The following PGBD5 variants were observed in gnomAD, a reference collection of about 807,000 sequenced individuals.
PGBD5 encodes piggyBac transposable element derived 5.
PGBD5 carries 14 observed loss-of-function variants against 47.9 expected under a neutral mutation model. The ratio of observed to expected loss-of-function variants is 0.29; its 90% confidence interval spans 0.19 to 0.46. The LOEUF (loss-of-function observed/expected upper bound fraction) is 0.46, where lower values mean the gene tolerates loss of function less well. PGBD5 is among the 20% of genes least tolerant of loss of function. The probability of loss-of-function intolerance (pLI) is 1.00; values close to 1 mark genes in which losing one functional copy is unlikely to be tolerated. For synonymous variants in PGBD5, 316 were observed against 306.3 expected (o/e 1.03, Z -0.33); for missense variants, 635 against 716.0 (o/e 0.89, Z 1.29).
rs971619504 is a variant in PGBD5, at chr1:230,357,658, C to CG, written c.332-338dup. Among the ~76,000 whole-genome samples, 2 of 152,264 alleles carry CG rather than the reference C, an allele frequency of 1.3e-5. No individual in the cohort carries two copies. Among genetic ancestry groups the CG allele is most frequent in the East Asian group, 1.9e-4 (1 of 5,180 alleles). On this transcript the variant is annotated intron_variant, in intron 1 of 6. Transcript: ENST00000391860. This position sits in a 1 kb window ranked among gnomAD's most constrained non-coding sequence, Gnocchi z 5.7. ...CCACACCAGACCGGAGGACAGCCCT[C>CG]GGGGGGCGCAGTCACGTGGAATCCC... is the stretch of plus-strand genomic sequence containing the variant.
chr1:230,368,433 G>A lies in PGBD5; in HGVS notation c.332-11112C>T, dbSNP rs148762815. ...CTGTCATTTATGGTGAATCCCTAGG[G>A]AGGGGTTAAAAGAAAAAGTGTGTGT... On this transcript the variant is annotated intron_variant, in intron 1 of 6. Coordinates refer to ENST00000391860, the MANE Select transcript of PGBD5 (RefSeq NM_001258311.2). Among the ~76,000 whole-genome samples, 1,061 of 152,364 alleles carry A rather than the reference G, an allele frequency of 7.0e-3. 11 individuals are homozygous for A. Among genetic ancestry groups the A allele is most frequent in the African/African-American group, 0.023 (950 of 41,588 alleles).
At position 230,425,518 on chromosome 1, in the gene PGBD5, TC is replaced by T. The variant is rs1051702920; in HGVS notation, c.331+79del. Reference sequence around the variant, plus strand: ...AAGCCAGCCCACGGAGAGTCTGGACTCGCCCGCCCCAGCACCCACGCCTCCC... The same window carrying T: ...AAGCCAGCCCACGGAGAGTCTGGACTGCCCGCCCCAGCACCCACGCCTCCC... On this transcript the variant is annotated intron_variant, in intron 1 of 6. Coordinates refer to ENST00000391860, the MANE Select transcript of PGBD5 (RefSeq NM_001258311.2). This position sits in a 1 kb window ranked among gnomAD's most constrained non-coding sequence, Gnocchi z 4.7. 2 of 1,074,120 alleles carry T rather than the reference TC, an allele frequency of 1.9e-6. No homozygotes were observed. Among genetic ancestry groups the T allele is most frequent in the African/African-American group, 3.3e-5 (2 of 60,620 alleles). The allele number at this position is 1,074,120 out of a possible 1,614,324, so 66.5% of individuals were successfully genotyped here.
intron 1 of PGBD5, among the ~76,000 whole-genome samples, chr1:230,404,845 AAC>A (rs1468998903): frequency 1.3e-5 from 2 of 150,276 alleles, no homozygotes; most frequent in Admixed American, 1.3e-4. Context: ...AAATTGCTTG[AAC>A]CAGGGAGGCA....
intron 5 of PGBD5, among the ~76,000 whole-genome samples, chr1:230,331,373 A>G (rs1454262248): frequency 6.6e-6 from 1 of 152,052 alleles, no homozygotes; most frequent in African/African-American, 2.4e-5. Context: ...CTATGATAGC[A>G]CCACTGCACT....
At chr1:230,338,270 G>A (rs527806037) in intron 3 of PGBD5, among the ~76,000 whole-genome samples, 2 of 152,356 alleles carry the variant, frequency 1.3e-5, no homozygotes, top group East Asian at 3.9e-4. Context: ...TCATAGTTCT[G>A]TAGGCTGGAG....
At chr1:230,362,861 TA>T in intron 1 of PGBD5, among the ~76,000 whole-genome samples, 2 of 152,216 alleles carry the variant, frequency 1.3e-5, no homozygotes, top group East Asian at 3.9e-4. Flanking sequence ...GTCCCTGTGC[TA>T]ATGCCTGGTG....
At chr1:230,343,812 G>C (rs1198299371) in intron 3 of PGBD5, among the ~76,000 whole-genome samples, 2 of 152,322 alleles carry the variant, frequency 1.3e-5, no homozygotes, top group South Asian at 2.1e-4. Flanking sequence ...AAACACTTTA[G>C]TGCACCTTCT....
chr1:230,393,393 G>A (rs1159740407), intron 1 of PGBD5, among the ~76,000 whole-genome samples: 2 of 151,890 alleles, frequency 1.3e-5, no homozygotes, highest in Admixed American at 6.6e-5. Flanking sequence ...GAGAGCAGGC[G>A]GACTCTAGGA....
Position 230,373,661 on chromosome 1 carries a change from A to G in PGBD5, c.332-16340T>C, listed in dbSNP as rs115550947. Among the ~76,000 whole-genome samples the G allele has an allele frequency of 3.8e-3, 585 of 152,322 alleles. 4 individuals carry two copies. Among genetic ancestry groups the G allele is most frequent in the African/African-American group, 0.014 (565 of 41,572 alleles). On this transcript the variant is annotated intron_variant, in intron 1 of 6. Coordinates refer to ENST00000391860, the MANE Select transcript of PGBD5 (RefSeq NM_001258311.2). ...TTTGTAAAATGTTCATATTTTTTGAAGTTATTCTGAAGAAAACAATCAGCG... is the reference window on the plus strand; with the variant it reads ...TTTGTAAAATGTTCATATTTTTTGAGGTTATTCTGAAGAAAACAATCAGCG...
At chr1:230,371,800 A>C (rs1400085804) in intron 1 of PGBD5, among the ~76,000 whole-genome samples, 1 of 152,224 alleles carries the variant, frequency 6.6e-6, no homozygotes, top group Non-Finnish European at 1.5e-5. Context: ...CAAATCACTC[A>C]ACATCATCTA....
chr1:230,331,721 C>T (rs1667220085), intron 5 of PGBD5, among the ~76,000 whole-genome samples: 1 of 151,286 alleles, frequency 6.6e-6, no homozygotes, highest in Non-Finnish European at 1.5e-5. Context: ...TCTTGAACTC[C>T]TTGGCTCAAG....
At chr1:230,354,108 ACAGGAAGCCC>A (rs1305353818) in intron 2 of PGBD5, among the ~76,000 whole-genome samples, 1 of 152,184 alleles carries the variant, frequency 6.6e-6, no homozygotes, top group Non-Finnish European at 1.5e-5. Context: ...CAGGTGACAT[ACAGGAAGCCC>A]CAGGAAGCAT....
chr1:230,397,021 G>T (rs1202237945), intron 1 of PGBD5, among the ~76,000 whole-genome samples: 1 of 152,206 alleles, frequency 6.6e-6, no homozygotes, highest in African/African-American at 2.4e-5. Flanking sequence ...CAGCTGGGAG[G>T]TGCACTGTTG....
chr1:230,386,334 C>G (rs946428238), intron 1 of PGBD5, among the ~76,000 whole-genome samples: 3 of 150,894 alleles, frequency 2.0e-5, no homozygotes, highest in African/African-American at 2.4e-5. Flanking sequence ...AAAAAAAAAG[C>G]AGTATAATTT....
chr1:230,375,351 T>TTGGCAAAACACAATC (rs1667994576), intron 1 of PGBD5, among the ~76,000 whole-genome samples: 3 of 152,166 alleles, frequency 2.0e-5, no homozygotes, highest in African/African-American at 7.2e-5. Flanking sequence ...ACAAGCAAGG[T>TTGGCAAAACACAATC]CCCTGATTAG....
In PGBD5 at chr1:230,352,251, C is replaced by T. The variant is rs1157182814; in HGVS notation, c.760-1159G>A. 3.3e-5 allele frequency among the ~76,000 whole-genome samples: 5 copies of T among 152,312 alleles called. No homozygotes were observed. The East Asian group carries it at 9.6e-4, about 29-fold the overall frequency. On this transcript the variant is annotated intron_variant, in intron 2 of 6. Coordinates refer to ENST00000391860, the MANE Select transcript of PGBD5 (RefSeq NM_001258311.2). Reference sequence around the variant, plus strand: ...AACTGACAACACGCAACAGTGACCACACCGATACAAAGTCTAAATACTTAC... The same window carrying T: ...AACTGACAACACGCAACAGTGACCATACCGATACAAAGTCTAAATACTTAC...
At chr1:230,385,168 T>G (rs1221430544) in intron 1 of PGBD5, among the ~76,000 whole-genome samples, 1 of 152,086 alleles carries the variant, frequency 6.6e-6, no homozygotes, top group African/African-American at 2.4e-5. Flanking sequence ...AGGATTTCAG[T>G]GTAGATCCCC....
intron 3 of PGBD5, among the ~76,000 whole-genome samples, chr1:230,349,396 A>G (rs1667526548): frequency 6.6e-6 from 1 of 152,098 alleles, no homozygotes; most frequent in African/African-American, 2.4e-5. Context: ...TTAGCCAGGA[A>G]TGGTGTCACA....
intron 1 of PGBD5, among the ~76,000 whole-genome samples, chr1:230,359,221 C>T (rs914342084): frequency 2.0e-5 from 3 of 152,138 alleles, no homozygotes; most frequent in Non-Finnish European, 4.4e-5. Context: ...GCCACCACGC[C>T]TGGCTAATTT....
Sources: allele counts gnomAD v4.1 joint callset (sites outside exome capture counted in the v4.1 genomes callset), GRCh38; gene constraint gnomAD v4.1.1; non-coding constraint Gnocchi (gnomAD v3.1); transcripts MANE v1.5; gene names NCBI Gene and HGNC (gene_info 2026-07-23, HGNC 2026-07-21).